RNF167: variants seen among roughly 807,000 people sequenced by gnomAD.
The protein encoded by RNF167 is ring finger protein 167, also known as E3 ubiquitin-protein ligase RNF167.
Under a neutral mutation model 34.8 loss-of-function variants are expected in RNF167, and 19 were observed. That is an observed-to-expected ratio of 0.55 (90% CI 0.38 to 0.80). The LOEUF is 0.80. Ranked by LOEUF, RNF167 falls within the 30% of genes least tolerant of loss-of-function variation. The probability of loss-of-function intolerance (pLI) is 0.00; values close to 1 mark genes in which losing one functional copy is unlikely to be tolerated. For synonymous variants in RNF167, 200 were observed against 170.4 expected (o/e 1.17, Z -1.35); for missense variants, 464 against 447.0 (o/e 1.04, Z -0.34).
Position 4,942,964 on chromosome 17 carries a change from A to G in RNF167, c.470+23A>G, listed in dbSNP as rs778345190. 6 of 1,606,354 alleles carry G rather than the reference A, an allele frequency of 3.7e-6. No individual in the cohort carries two copies. The East Asian group carries it at 1.3e-4, about 36-fold the overall frequency. ...GGGGTAGGACATGTGCCTCCTTCCC[A>G]TTCTTCCTTCAGCAAGCAGTTCCAT... On this transcript the variant is annotated intron_variant, in intron 6 of 9. Coordinates refer to ENST00000262482, the MANE Select transcript of RNF167 (RefSeq NM_015528.3).
rs1416233210 is a variant in RNF167 at position 4,940,625 on chromosome 17, A to G, written c.-285A>G. 1 of 346,056 alleles carries G rather than the reference A, an allele frequency of 2.9e-6. No homozygotes were observed. The highest frequency in any genetic ancestry group is 5.2e-6 in the Non-Finnish European group (1 of 191,968). The allele number at this position is 346,056 out of a possible 1,614,324, so 21.4% of individuals were successfully genotyped here. A position where few individuals can be genotyped will look rare whatever the true frequency, so the allele number is the denominator to read the frequency against. ...CCTTGAGCTCCGCCACCCTTCCCGA[A>G]GTTTTTCTGTCACCTGTGTTAGGCT... On this transcript the variant is annotated 5_prime_UTR_variant, in exon 2 of 10. Coordinates refer to ENST00000262482, the MANE Select transcript of RNF167 (RefSeq NM_015528.3).
At position 4,940,927 on chromosome 17, in the gene RNF167, C is replaced by A; in HGVS notation, c.18C>A (p.Phe6Leu). The change falls in exon 2 of 10, where the codon TTC (phenylalanine) becomes TTA (leucine). Residue 6 changes from phenylalanine (F) to leucine (L), a missense_variant. Physicochemically the swap from Phe to Leu is conservative, Grantham distance 22. Transcript: ENST00000262482. Reference sequence around the variant, plus strand: ...CCGCTGCCATGCACCCTGCAGCCTTCCCGCTTCCTGTGGTTGTGGCCGCTG... The same window carrying A: ...CCGCTGCCATGCACCCTGCAGCCTTACCGCTTCCTGTGGTTGTGGCCGCTG... MHPAA[F>L]PLPVVVAAVL... 6.2e-7 allele frequency: 1 copy of A among 1,608,622 alleles called. No individual in the cohort carries two copies. Among genetic ancestry groups the A allele is most frequent in the Non-Finnish European group, 8.5e-7 (1 of 1,176,572 alleles).
rs370075442 is a variant in RNF167 at position 4,944,728 on chromosome 17, C to A, written c.765C>A (p.Arg255=). 6 of 1,614,072 alleles carry A rather than the reference C, an allele frequency of 3.7e-6. 1 individual carries two copies. The highest frequency in any genetic ancestry group is 1.7e-4 in the Middle Eastern group (1 of 6,060). Residue 255 remains arginine (R), a synonymous_variant, in exon 10 of 10, where the codon CGC becomes CGA. Transcript: ENST00000262482. ...VLPCAHAYHS[R]CVDPWLTQTR... ...TCCTCTCTGCAGCCTACCACAGCCG[C>A]TGCGTGGACCCCTGGCTCACTCAGA...
At position 4,943,433 on chromosome 17, in the gene RNF167, G is replaced by T. The variant is rs544769223; in HGVS notation, c.584G>T (p.Arg195Leu). The change falls in exon 8 of 10, where the codon CGT becomes CTT. Residue 195 changes from arginine to leucine, a missense_variant. Coordinates refer to ENST00000262482, the MANE Select transcript of RNF167 (RefSeq NM_015528.3). ...CACCCCCGCTTCCCCCAGATAGCTC[G>T]TTGTATCCAGCACCGGAAACGGCTC... ...VLAMGAVMIA[R>L]CIQHRKRLQR... 2 of 1,613,758 alleles carry T rather than the reference G, an allele frequency of 1.2e-6. No individual in the cohort carries two copies. The highest frequency in any genetic ancestry group is 1.7e-6 in the Non-Finnish European group (2 of 1,179,854).
In RNF167 at chr17:4,942,865, C is replaced by G. The variant is rs1017918234; in HGVS notation, c.394C>G (p.Gln132Glu). ...GATCCCTGCAGAGGAAATCCAGCAGCAGATCTGGATCCCGTCTGTATTTAT... is the reference window on the plus strand; with the variant it reads ...GATCCCTGCAGAGGAAATCCAGCAGGAGATCTGGATCCCGTCTGTATTTAT... The part of the protein sequence containing the change: ...MVWNSEEIQQ[Q>E]IWIPSVFIGE... Residue 132 changes from glutamine to glutamate, a missense_variant, in exon 6 of 10, where the codon CAG becomes GAG. By Grantham distance (29) the Gln-to-Glu change is conservative (BLOSUM62 2). Transcript: ENST00000262482. 2 of 1,614,080 alleles carry G rather than the reference C, an allele frequency of 1.2e-6. No individual in the cohort carries two copies. The highest frequency in any genetic ancestry group is 3.3e-5 in the Admixed American group (2 of 60,012).
intron 3 of RNF167, among the ~76,000 whole-genome samples, chr17:4,942,117 C>T (rs978025412): frequency 2.0e-5 from 3 of 151,950 alleles, no homozygotes; most frequent in South Asian, 2.1e-4. Flanking sequence ...TCTGGGACAG[C>T]GAGAGGGATG....
intron 3 of RNF167, among the ~76,000 whole-genome samples, chr17:4,941,640 C>T (rs1007529796): frequency 6.6e-6 from 1 of 152,130 alleles, no homozygotes; most frequent in African/African-American, 2.4e-5. Context: ...TAGTAGCAGT[C>T]GAGTTGTTTG....
Position 4,940,701 on chromosome 17 carries a change from G to A in RNF167, c.-209G>A. Reference sequence around the variant, plus strand: ...CGTACCAGAAAAGGATACATTTAGTGCCTCCCACCCAGCTCCACTAAACGG... The same window carrying A: ...CGTACCAGAAAAGGATACATTTAGTACCTCCCACCCAGCTCCACTAAACGG... On this transcript the variant is annotated 5_prime_UTR_variant, in exon 2 of 10. Coordinates refer to ENST00000262482, the MANE Select transcript of RNF167 (RefSeq NM_015528.3). 4.2e-6 allele frequency: 2 copies of A among 477,356 alleles called. No homozygotes were observed. The highest frequency in any genetic ancestry group is 7.4e-6 in the Non-Finnish European group (2 of 269,852). The allele number at this position is 477,356 out of a possible 1,614,324, so 29.6% of individuals were successfully genotyped here.
chr17:4,945,024 C>T lies in RNF167; in HGVS notation c.*8C>T, dbSNP rs1971277275. ...CCTGTTATCCTGGTCTAATAACCCCCCACACATACACCTCTGGTGACCTAT... is the reference window on the plus strand; with the variant it reads ...CCTGTTATCCTGGTCTAATAACCCCTCACACATACACCTCTGGTGACCTAT... On this transcript the variant is annotated 3_prime_UTR_variant, in exon 10 of 10. Coordinates refer to ENST00000262482, the MANE Select transcript of RNF167 (RefSeq NM_015528.3). 3 of 1,527,188 alleles carry T rather than the reference C, an allele frequency of 2.0e-6. No homozygotes were observed. Among genetic ancestry groups the T allele is most frequent in the East Asian group, 4.5e-5 (2 of 44,102 alleles). 94.6% of individuals were successfully genotyped at this position (1,527,188 alleles called of 1,614,324 possible).
chr17:4,944,504 G>GC, intron 8 of RNF167, 54 bp from the exon 9 acceptor site: 2 of 1,531,130 alleles, frequency 1.3e-6, no homozygotes, highest in South Asian at 2.6e-5. Flanking sequence ...AAAAGCCTTA[G>GC]CCCTGGGTCA....
At chr17:4,942,777 G>T in intron 5 of RNF167, 74 bp from the exon 6 acceptor site, 1 of 1,585,418 alleles carries the variant, frequency 6.3e-7, no homozygotes, top group Non-Finnish European at 8.7e-7. Context: ...GGGCCAAAGT[G>T]CAAGATGCCA....
chr17:4,942,594 G>A lies in RNF167; in HGVS notation c.309G>A (p.Lys103=). ...CTCCCTAGGTCCTAAATGCCCAGAA[G>A]GCTGGATATGGTGCCGCTGTAGTAC... is the stretch of plus-strand genomic sequence containing the variant. ...NFDLKVLNAQ[K]AGYGAAVVHN... The change falls in exon 5 of 10, where the codon AAG becomes AAA. Residue 103 remains lysine (K), a synonymous_variant. Transcript: ENST00000262482. 1 of 1,614,178 alleles carries A rather than the reference G, an allele frequency of 6.2e-7. No individual in the cohort carries two copies. The highest frequency in any genetic ancestry group is 2.2e-5 in the East Asian group (1 of 44,882).
At position 4,944,750 on chromosome 17, in the gene RNF167, C is replaced by G. The variant is rs752672992; in HGVS notation, c.787C>G (p.Gln263Glu). The change falls in exon 10 of 10, where the codon CAG becomes GAG. Residue 263 changes from glutamine (Q) to glutamate (E), a missense_variant. Gln to Glu is a conservative substitution (Grantham distance 29). Transcript: ENST00000262482. ...CCGCTGCGTGGACCCCTGGCTCACT[C>G]AGACCCGGAAGACCTGCCCCATTTG... ...HSRCVDPWLTQTRKTCPICKQ... is the reference protein window; with the variant it reads ...HSRCVDPWLTETRKTCPICKQ... 9 of 1,613,454 alleles carry G rather than the reference C, an allele frequency of 5.6e-6. No individual in the cohort carries two copies. The highest frequency in any genetic ancestry group is 1.3e-5 in the African/African-American group (1 of 74,910).
intron 6 of RNF167, 62 bp downstream of exon 6, chr17:4,943,003 C>G (rs1970981644): frequency 6.7e-7 from 1 of 1,500,400 alleles, no homozygotes; most frequent in South Asian, 1.1e-5. Context: ...AACCTGGAGC[C>G]CAGGCCTCCT....
chr17:4,944,446 A>G (rs78845112), intron 8 of RNF167, 112 bp from the exon 9 acceptor site: 11 of 1,488,572 alleles, frequency 7.4e-6, no homozygotes, highest in Non-Finnish European at 8.0e-6. Flanking sequence ...TACCTGTCTT[A>G]TCTCTTCCAC....
At chr17:4,941,026 T>C in intron 2 of RNF167, 33 bp downstream of exon 2, 2 of 1,613,766 alleles carry the variant, frequency 1.2e-6, no homozygotes, top group Non-Finnish European at 1.7e-6. Flanking sequence ...GAAAGGGCGC[T>C]GAAAGGAAGG....
chr17:4,941,175 C>T lies in RNF167; in HGVS notation c.165+18C>T, dbSNP rs563205605. ...GCCTCCAGGTGATTTTCTTTCTTTT[C>T]TTTTCCTCCTTCCCTCCCTTCCTTC... is the stretch of plus-strand genomic sequence containing the variant. On this transcript the variant is annotated intron_variant, in intron 3 of 9. Transcript: ENST00000262482. The T allele has an allele frequency of 3.8e-6, 6 of 1,598,476 alleles. No individual in the cohort carries two copies. The African/African-American group carries it at 6.7e-5, about 18-fold the overall frequency.
intron 8 of RNF167, 61 bp downstream of exon 8, chr17:4,943,580 G>A: frequency 1.5e-6 from 2 of 1,333,694 alleles, no homozygotes; most frequent in Non-Finnish European, 1.1e-6. Flanking sequence ...GAAGGACTTT[G>A]AGCCCAGAAG....
chr17:4,945,124 A>C lies in RNF167; in HGVS notation c.*108A>C. Reference sequence around the variant, plus strand: ...TCCATCCCAAGCTTCTCCCTTACCCACACCTATCCTTTTGAGGGGCTTTGG... The same window carrying C: ...TCCATCCCAAGCTTCTCCCTTACCCCCACCTATCCTTTTGAGGGGCTTTGG... On this transcript the variant is annotated 3_prime_UTR_variant, in exon 10 of 10. Transcript: ENST00000262482. 109 of 1,005,616 alleles carry C rather than the reference A, an allele frequency of 1.1e-4. No individual in the cohort carries two copies. The highest frequency in any genetic ancestry group is 1.4e-4 in the Non-Finnish European group (99 of 705,384). 62.3% of individuals were successfully genotyped at this position (1,005,616 alleles called of 1,614,324 possible).
Sources: gnomAD v4.1 joint callset for allele counts (sites outside exome capture counted in the v4.1 genomes callset) on GRCh38, gnomAD v4.1.1 for gene constraint, MANE v1.5 for transcripts, NCBI Gene and HGNC (gene_info 2026-07-23, HGNC 2026-07-21) for gene names.